Variants in BANP observed in about 807,000 individuals in gnomAD.
BANP encodes protein BANP.
A neutral mutation model predicts 68.1 loss-of-function variants in BANP; 11 were observed. That is an observed-to-expected ratio of 0.16 (90% CI 0.10 to 0.27). The LOEUF (loss-of-function observed/expected upper bound fraction) is 0.27, where lower values mean the gene tolerates loss of function less well. Among genes scored for constraint, BANP ranks in the 10% least tolerant of loss-of-function variants. BANP has a pLI of 1.00. For synonymous variants in BANP, 329 were observed against 303.2 expected (o/e 1.09, Z -0.88); for missense variants, 504 against 722.7 (o/e 0.70, Z 3.47).
intron 1 of BANP, among the ~76,000 whole-genome samples, chr16:87,967,895 A>G (rs1156806343): frequency 1.3e-5 from 2 of 151,874 alleles, no homozygotes; most frequent in Non-Finnish European, 2.9e-5. Flanking sequence ...TGCTGGGATT[A>G]CAGGTGTGAG....
intron 6 of BANP, 40 bp downstream of exon 6, chr16:88,006,305 CAATT>C (rs1567729177): frequency 6.5e-7 from 1 of 1,537,912 alleles, no homozygotes; most frequent in Non-Finnish European, 8.7e-7. Context: ...AGCGCCAGTA[CAATT>C]GTTTGTTTGT....
At chr16:88,030,900 G>T (rs1023810259) in intron 8 of BANP, among the ~76,000 whole-genome samples, 1 of 152,190 alleles carries the variant, frequency 6.6e-6, no homozygotes, top group Non-Finnish European at 1.5e-5. Context: ...TTGGGGAAAC[G>T]GTTAGAAATG....
At chr16:87,969,826 T>C (rs1405644346) in intron 1 of BANP, among the ~76,000 whole-genome samples, 1 of 152,042 alleles carries the variant, frequency 6.6e-6, no homozygotes, top group Non-Finnish European at 1.5e-5. Flanking sequence ...CCACCACGCC[T>C]GGCCTGACTA....
At chr16:88,051,711 C>G (rs1420478478) in intron 11 of BANP, among the ~76,000 whole-genome samples, 1 of 152,186 alleles carries the variant, frequency 6.6e-6, no homozygotes, top group Non-Finnish European at 1.5e-5. Context: ...TAGAGAAATT[C>G]AGGATTTCTC....
chr16:87,975,020 C>T, intron 1 of BANP, 28 bp from the exon 2 acceptor site: 1 of 1,042,570 alleles, frequency 9.6e-7, no homozygotes, highest in Admixed American at 1.9e-5. Flanking sequence ...TTAATGTCCT[C>T]TCCTCCTCCT....
At chr16:87,968,339 C>A (rs568045262) in intron 1 of BANP, among the ~76,000 whole-genome samples, 2 of 151,948 alleles carry the variant, frequency 1.3e-5, no homozygotes, top group African/African-American at 2.4e-5. Context: ...ACAAAATTAG[C>A]CGGGCATGGT....
intron 4 of BANP, among the ~76,000 whole-genome samples, chr16:87,999,562 G>A (rs1418251363): frequency 7.5e-5 from 3 of 39,930 alleles, no homozygotes; most frequent in Admixed American, 2.8e-4. Context: ...ATGCACGCAC[G>A]TGCGCGGCTG....
At chr16:87,961,304 C>T (rs939916030) in intron 1 of BANP, among the ~76,000 whole-genome samples, 1 of 152,098 alleles carries the variant, frequency 6.6e-6, no homozygotes, top group Non-Finnish European at 1.5e-5. Context: ...AACTGCATCT[C>T]CTTGTAAGGC....
At chr16:87,966,055 A>G (rs2059962156) in intron 1 of BANP, among the ~76,000 whole-genome samples, 1 of 152,210 alleles carries the variant, frequency 6.6e-6, no homozygotes, top group African/African-American at 2.4e-5. Context: ...AATTGGGATC[A>G]TATCATCCGC....
rs1351973612 is a variant in BANP at position 88,076,749 on chromosome 16, A to G, written c.*88A>G. On this transcript the variant is annotated 3_prime_UTR_variant, in exon 14 of 14. Coordinates refer to ENST00000682872, the MANE Select transcript of BANP (RefSeq NM_001386991.1). Reference sequence around the variant, plus strand: ...CTGCTCTCACGGCCTCGGCACAGGCAGCGGCTGCACGTGTTCTGCTGAAGT... The same window carrying G: ...CTGCTCTCACGGCCTCGGCACAGGCGGCGGCTGCACGTGTTCTGCTGAAGT... 1.8e-6 allele frequency: 2 copies of G among 1,116,646 alleles called. No homozygotes were observed. Among genetic ancestry groups the G allele is most frequent in the Non-Finnish European group, 2.5e-6 (2 of 793,796 alleles). The allele number at this position is 1,116,646 out of a possible 1,614,324, so 69.2% of individuals were successfully genotyped here.
intron 4 of BANP, among the ~76,000 whole-genome samples, chr16:87,996,905 G>A (rs546775758): frequency 6.6e-6 from 1 of 152,264 alleles, no homozygotes; most frequent in African/African-American, 2.4e-5. Flanking sequence ...TTGTATCTTG[G>A]TGGCTGGTTT....
chr16:88,073,560 G>C (rs1359809570), intron 13 of BANP, among the ~76,000 whole-genome samples: 2 of 151,884 alleles, frequency 1.3e-5, no homozygotes, highest in African/African-American at 2.4e-5. Flanking sequence ...GGAGCGGGTG[G>C]GTGGGATGGT....
At chr16:87,962,702 G>T (rs1274379247) in intron 1 of BANP, among the ~76,000 whole-genome samples, 2 of 152,190 alleles carry the variant, frequency 1.3e-5, no homozygotes, top group Non-Finnish European at 2.9e-5. Flanking sequence ...AAAAAGCAGT[G>T]TTGCCTGAAT....
chr16:87,976,149 A>G (rs11117337), intron 2 of BANP, among the ~76,000 whole-genome samples: 101,278 of 152,184 alleles, frequency 0.67, 34,332 homozygotes, highest in African/African-American at 0.77. Context: ...AACCCTATAG[A>G]GAAGATCCTT....
intron 1 of BANP, among the ~76,000 whole-genome samples, chr16:87,953,648 G>A (rs947766342): frequency 6.6e-6 from 1 of 152,150 alleles, no homozygotes; most frequent in Non-Finnish European, 1.5e-5. Context: ...CAAATTGAGT[G>A]TTTCCCTTCC....
chr16:87,989,464 TTGTC>T (rs1353901865), intron 4 of BANP, among the ~76,000 whole-genome samples: 3 of 152,260 alleles, frequency 2.0e-5, no homozygotes, highest in Non-Finnish European at 4.4e-5. Context: ...TTAACATCCT[TTGTC>T]TGTACTTCGA....
intron 1 of BANP, among the ~76,000 whole-genome samples, chr16:87,967,788 A>C (rs1425661551): frequency 6.6e-6 from 1 of 151,560 alleles, no homozygotes. Flanking sequence ...ACGCCCTGCT[A>C]ATTTTTGTAT....
intron 7 of BANP, among the ~76,000 whole-genome samples, chr16:88,025,089 C>T (rs182571088): frequency 5.7e-4 from 86 of 152,208 alleles, no homozygotes; most frequent in African/African-American, 2.0e-3. Flanking sequence ...TTCTTTTTAT[C>T]GACTCGTGCT....
intron 2 of BANP, among the ~76,000 whole-genome samples, chr16:87,976,710 T>C (rs2062216301): frequency 6.6e-6 from 1 of 152,140 alleles, no homozygotes; most frequent in Admixed American, 6.5e-5. Context: ...TCGAGAAAAC[T>C]ACCTTTGGAG....
Sources: allele counts gnomAD v4.1 joint callset (sites outside exome capture counted in the v4.1 genomes callset), GRCh38; gene constraint gnomAD v4.1.1; transcripts MANE v1.5; gene names NCBI Gene and HGNC (gene_info 2026-07-23, HGNC 2026-07-21).